The following ACSM5 variants were observed in gnomAD, a reference collection of about 807,000 sequenced individuals.
The protein encoded by ACSM5 is acyl-coenzyme A synthetase ACSM5, mitochondrial.
A neutral mutation model predicts 71.6 loss-of-function variants in ACSM5; 56 were observed. The observed-to-expected ratio is 0.78, with a 90% CI of 0.63 to 0.98. The LOEUF (loss-of-function observed/expected upper bound fraction) is 0.98. ACSM5 is among the 50% of genes least tolerant of loss of function. The probability of loss-of-function intolerance (pLI) is 0.00; values close to 1 mark genes in which losing one functional copy is unlikely to be tolerated. For missense variants in ACSM5, 723 were observed against 726.0 expected, an observed-to-expected ratio of 1.00 and a Z score of 0.05; for synonymous variants, 285 against 281.5, an observed-to-expected ratio of 1.01 and a Z score of -0.12.
Position 20,440,380 on chromosome 16 carries a change from G to A in ACSM5, c.1693G>A (p.Gly565Arg). The change falls in exon 14 of 14, where the codon GGA (glycine) becomes AGA (arginine). Residue 565 changes from glycine to arginine, a missense_variant. Physicochemically the swap from Gly to Arg is moderately radical, Grantham distance 125. Coordinates refer to ENST00000331849, the MANE Select transcript of ACSM5 (RefSeq NM_017888.3). ...TTCAGAACTGCCAAAGACGGTTTCT[G>A]GAAAGATCCAAAGGAGTAAATTGCG... ...FVSELPKTVS[G>R]KIQRSKLRSQ... 6.2e-7 allele frequency: 1 copy of A among 1,609,472 alleles called. No homozygotes were observed. Among genetic ancestry groups the A allele is most frequent in the Non-Finnish European group, 8.5e-7 (1 of 1,176,060 alleles).
At chr16:20,436,147 T>TGCCC (rs1567348166) in intron 10 of ACSM5, among the ~76,000 whole-genome samples, 1 of 127,502 alleles carries the variant, frequency 7.8e-6, no homozygotes, top group African/African-American at 3.2e-5. Context: ...CTTTTCCTTC[T>TGCCC]TCCCTCCCTC....
At chr16:20,421,064 C>G in intron 4 of ACSM5, 194 bp from the exon 5 acceptor site, 1 of 498,198 alleles carries the variant, frequency 2.0e-6, no homozygotes, top group Non-Finnish European at 3.2e-6. Context: ...CCTCAGTTTC[C>G]TGGTCTGCAA....
chr16:20,421,161 T>C, intron 4 of ACSM5, 97 bp from the exon 5 acceptor site: 1 of 1,411,006 alleles, frequency 7.1e-7, no homozygotes, highest in Non-Finnish European at 9.4e-7. Context: ...ACATGTGGTA[T>C]TTATGAAACG....
At chr16:20,437,619 G>C (rs1456717932) in intron 12 of ACSM5, among the ~76,000 whole-genome samples, 1 of 128,846 alleles carries the variant, frequency 7.8e-6, no homozygotes. Flanking sequence ...CTGGCTATGG[G>C]GCAGGAGATC....
intron 6 of ACSM5, among the ~76,000 whole-genome samples, chr16:20,426,945 A>G (rs528961383): frequency 0.016 from 2,390 of 151,818 alleles, 8 homozygotes; most frequent in African/African-American, 0.054. Flanking sequence ...CAATAATTTT[A>G]AAGAAGATAT....
rs1242513753 is a variant in ACSM5 at position 20,421,269 on chromosome 16, C to T, written c.635C>T (p.Thr212Ile). ...NFRELLREAS[T>I]EHNCMRTKSR... ...TTTACGTTTTACAGGGAGGCTTCTA[C>T]AGAGCACAACTGCATGAGGACAAAG... Residue 212 changes from threonine (T) to isoleucine (I), a missense_variant, in exon 5 of 14, where the codon ACA becomes ATA. Transcript: ENST00000331849. 3 of 1,592,912 alleles carry T rather than the reference C, an allele frequency of 1.9e-6. No individual in the cohort carries two copies. Among genetic ancestry groups the T allele is most frequent in the Admixed American group, 1.7e-5 (1 of 58,096 alleles).
chr16:20,414,436 C>T (rs1966852873), intron 2 of ACSM5, among the ~76,000 whole-genome samples: 1 of 152,166 alleles, frequency 6.6e-6, no homozygotes, highest in Non-Finnish European at 1.5e-5. Context: ...TGAATTGCCT[C>T]TGAAAACTAG....
At chr16:20,412,038 C>G in intron 2 of ACSM5, 1 of 299,098 alleles carries the variant, frequency 3.3e-6, no homozygotes. Context: ...CACTGTCACG[C>G]CCTTCTCTTC....
Position 20,437,214 on chromosome 16 carries a change from A to G in ACSM5, c.1436+35A>G, listed in dbSNP as rs758635946. On this transcript the variant is annotated intron_variant, in intron 11 of 13. Coordinates refer to ENST00000331849, the MANE Select transcript of ACSM5 (RefSeq NM_017888.3). The stretch of plus-strand genomic sequence containing the variant: ...TCTGCACTTTCCTCCTTCCTTTGAA[A>G]TTTCATGGGGGTTGAGGGAAGCCCA... 1,754 of 1,610,196 alleles carry G rather than the reference A, an allele frequency of 1.1e-3. 6 individuals are homozygous for G. Among genetic ancestry groups the G allele is most frequent in the Middle Eastern group, 1.7e-3 (10 of 6,038 alleles).
chr16:20,428,879 T>G (rs1215952166), intron 7 of ACSM5, among the ~76,000 whole-genome samples: 1 of 152,246 alleles, frequency 6.6e-6, no homozygotes, highest in Admixed American at 6.5e-5. Context: ...ATAATTTGGA[T>G]GATTTGTTGA....
chr16:20,434,613 G>A (rs898343028), intron 10 of ACSM5, among the ~76,000 whole-genome samples: 65 of 152,202 alleles, frequency 4.3e-4, no homozygotes, highest in African/African-American at 1.5e-3. Flanking sequence ...AGAATTGCTT[G>A]AACCCGGGAG....
rs1967023619 is a variant in ACSM5, at chr16:20,428,008, T to C, written c.1001+141T>C. The C allele has an allele frequency of 7.1e-6, 5 of 701,394 alleles. No homozygotes were observed. In the Admixed American group the frequency reaches 1.1e-4, roughly 16 times the overall value. 43.4% of individuals were successfully genotyped at this position (701,394 alleles called of 1,614,324 possible). A position where few individuals can be genotyped will look rare whatever the true frequency, so the allele number is the denominator to read the frequency against. On this transcript the variant is annotated intron_variant, in intron 7 of 13. Coordinates refer to ENST00000331849, the MANE Select transcript of ACSM5 (RefSeq NM_017888.3). ...CTATATATTTTTCTGCCTCTCTCTT[T>C]GTCTCTCTCTCACACACACATTTAT...
rs1054927175 is a variant in ACSM5, at chr16:20,441,336, A to G, written c.*909A>G. The G allele has an allele frequency of 5.3e-5, 8 of 152,200 alleles. No individual in the cohort carries two copies. Among genetic ancestry groups the G allele is most frequent in the African/African-American group, 1.9e-4 (8 of 41,446 alleles). 9.4% of individuals were successfully genotyped at this position (152,200 alleles called of 1,614,324 possible). A position where few individuals can be genotyped will look rare whatever the true frequency, so the allele number is the denominator to read the frequency against. ...ATGAAAAAGTTATGTTAAAGAAAGCACACTCTGCTTCATGTCTAGTTCTTC... is the reference window on the plus strand; with the variant it reads ...ATGAAAAAGTTATGTTAAAGAAAGCGCACTCTGCTTCATGTCTAGTTCTTC... On this transcript the variant is annotated 3_prime_UTR_variant, in exon 14 of 14. Coordinates refer to ENST00000331849, the MANE Select transcript of ACSM5 (RefSeq NM_017888.3).
At chr16:20,427,272 C>G (rs1967000736) in intron 6 of ACSM5, among the ~76,000 whole-genome samples, 1 of 152,086 alleles carries the variant, frequency 6.6e-6, no homozygotes, top group South Asian at 2.1e-4. Flanking sequence ...TGCACTCCAG[C>G]CTGGGTGACA....
intron 6 of ACSM5, among the ~76,000 whole-genome samples, chr16:20,424,756 C>T (rs1966944588): frequency 1.3e-5 from 2 of 152,216 alleles, no homozygotes; most frequent in South Asian, 4.1e-4. Flanking sequence ...TCAGCCTCAT[C>T]TGTAAGAAAG....
chr16:20,436,094 C>CTTTCTT (rs1567348107), intron 10 of ACSM5, among the ~76,000 whole-genome samples: 65 of 141,386 alleles, frequency 4.6e-4, no homozygotes, highest in Admixed American at 1.2e-3. Context: ...CCTTCCTTTT[C>CTTTCTT]TCTTTCTTTC....
chr16:20,435,956 T>C (rs199887725), intron 10 of ACSM5, among the ~76,000 whole-genome samples: 5 of 139,544 alleles, frequency 3.6e-5, no homozygotes, highest in Admixed American at 7.3e-5. Context: ...TCCTTCCTTC[T>C]TTCCTTCTTT....
rs1967019210 is a variant in ACSM5 at position 20,427,854 on chromosome 16, G to C, written c.988G>C (p.Glu330Gln). 1.5e-5 allele frequency: 24 copies of C among 1,613,720 alleles called. No homozygotes were observed. Among genetic ancestry groups the C allele is most frequent in the Non-Finnish European group, 2.0e-5 (24 of 1,179,710 alleles). ...AACCATCTTTCGGCTGCTTGTGCAG[G>C]AGGATCTGACCAGGTACAGCCCGTC... ...VPTIFRLLVQEDLTRYQFQSL... is the reference protein window; with the variant it reads ...VPTIFRLLVQQDLTRYQFQSL... Residue 330 changes from glutamate (E) to glutamine (Q), a missense_variant, in exon 7 of 14, where the codon GAG becomes CAG. Coordinates refer to ENST00000331849, the MANE Select transcript of ACSM5 (RefSeq NM_017888.3).
At chr16:20,432,680 A>G (rs1967122084) in intron 10 of ACSM5, among the ~76,000 whole-genome samples, 1 of 152,110 alleles carries the variant, frequency 6.6e-6, no homozygotes, top group Non-Finnish European at 1.5e-5. Context: ...AGTGTGGAGC[A>G]GGACTCTGGT....
Sources: allele counts gnomAD v4.1 joint callset (sites outside exome capture counted in the v4.1 genomes callset), GRCh38; gene constraint gnomAD v4.1.1; transcripts MANE v1.5; gene names NCBI Gene and HGNC (gene_info 2026-07-23, HGNC 2026-07-21).